The following TLL2 variants were observed in gnomAD, a reference collection of about 807,000 sequenced individuals.
TLL2 encodes tolloid-like protein 2.
A neutral mutation model predicts 123.0 loss-of-function variants in TLL2; 106 were observed. That is an observed-to-expected ratio of 0.86 (90% CI 0.74 to 1.01). The LOEUF (loss-of-function observed/expected upper bound fraction) is 1.01, where lower values mean the gene tolerates loss of function less well. Ranked by LOEUF, TLL2 falls within the 50% of genes least tolerant of loss-of-function variation. The pLI, the probability that TLL2 is intolerant of heterozygous loss-of-function variation, is 0.00. For synonymous variants in TLL2, 494 were observed against 516.8 expected (o/e 0.96, Z 0.60); for missense variants, 1,332 against 1,336.7 (o/e 1.00, Z 0.06).
chr10:96,403,529 G>A (rs1846416148), intron 10 of TLL2, among the ~76,000 whole-genome samples: 1 of 152,186 alleles, frequency 6.6e-6, no homozygotes, highest in South Asian at 2.1e-4. Flanking sequence ...TTTACAAGCA[G>A]TATACTTGGT....
intron 3 of TLL2, among the ~76,000 whole-genome samples, chr10:96,440,213 G>C (rs975052537): frequency 1.3e-5 from 2 of 152,160 alleles, no homozygotes; most frequent in African/African-American, 4.8e-5. Flanking sequence ...AATTTTTCTG[G>C]TAGACTGGAA....
chr10:96,391,201 A>G (rs1046075830), intron 13 of TLL2, among the ~76,000 whole-genome samples: 90 of 152,178 alleles, frequency 5.9e-4, no homozygotes, highest in Admixed American at 9.2e-4. Flanking sequence ...ACTGAGCCCC[A>G]TTCATTCATT....
At chr10:96,378,830 G>T in intron 17 of TLL2, 137 bp downstream of exon 17, 1 of 1,194,500 alleles carries the variant, frequency 8.4e-7, no homozygotes, top group Non-Finnish European at 1.2e-6. Context: ...CTCCCGCAAG[G>T]ACAGCAGTTG....
At chr10:96,490,573 G>A (rs760521944) in intron 1 of TLL2, among the ~76,000 whole-genome samples, 1 of 152,210 alleles carries the variant, frequency 6.6e-6, no homozygotes, top group Non-Finnish European at 1.5e-5. Flanking sequence ...AAGTCAGTTG[G>A]CTTTGAACCT....
At chr10:96,448,771 G>A (rs2861581) in intron 2 of TLL2, among the ~76,000 whole-genome samples, 68,981 of 151,814 alleles carry the variant, frequency 0.45, 16,065 homozygotes, top group East Asian at 0.72. Context: ...GTGCTTGGCC[G>A]GGGGGAGGTG....
intron 1 of TLL2, among the ~76,000 whole-genome samples, chr10:96,485,483 G>T (rs775698893): frequency 2.0e-5 from 3 of 151,908 alleles, no homozygotes; most frequent in South Asian, 2.1e-4. Context: ...CTAAGCAAAG[G>T]ATTTGAAAAA....
At chr10:96,398,897 A>C (rs1406644217) in intron 10 of TLL2, among the ~76,000 whole-genome samples, 5 of 135,372 alleles carry the variant, frequency 3.7e-5, no homozygotes, top group African/African-American at 1.4e-4. Context: ...TTTGAGACAG[A>C]GTCTTGCTCT....
At chr10:96,420,910 C>G (rs749664055) in intron 7 of TLL2, 46 bp downstream of exon 7, 1 of 1,573,314 alleles carries the variant, frequency 6.4e-7, no homozygotes, top group African/African-American at 1.3e-5. Flanking sequence ...CCAAGCCTGC[C>G]GCAGGCACAG....
chr10:96,472,497 C>T (rs1847193466), intron 2 of TLL2, among the ~76,000 whole-genome samples: 2 of 152,268 alleles, frequency 1.3e-5, no homozygotes, highest in African/African-American at 2.4e-5. Flanking sequence ...TGCAGTGGCT[C>T]GCACTTATAA....
intron 15 of TLL2, among the ~76,000 whole-genome samples, chr10:96,385,104 G>A (rs532126692): frequency 2.0e-5 from 3 of 152,236 alleles, no homozygotes; most frequent in African/African-American, 7.2e-5. Flanking sequence ...CTGCTAGAAG[G>A]AGAAGAAAAA....
At chr10:96,496,784 A>G (rs796592142) in intron 1 of TLL2, among the ~76,000 whole-genome samples, 5 of 152,350 alleles carry the variant, frequency 3.3e-5, no homozygotes, top group African/African-American at 1.2e-4. Context: ...AGGCTGTTTA[A>G]GTTTTACAGC....
chr10:96,434,895 G>A lies in TLL2; in HGVS notation c.365-1933C>T, dbSNP rs570923561. ...TATAGTCATCCTAATGGTGTGAAGC[G>A]GAATCTCATTTTGGTTTTGATTTTC... On this transcript the variant is annotated intron_variant, in intron 3 of 20. Transcript: ENST00000357947. Among the ~76,000 whole-genome samples the A allele has an allele frequency of 2.6e-4, 40 of 152,036 alleles. No homozygotes were observed. The East Asian group carries it at 2.7e-3, about 10-fold the overall frequency.
In TLL2 at chr10:96,371,902, T is replaced by A. The variant is rs140989845; in HGVS notation, c.2663-1587A>T. On this transcript the variant is annotated intron_variant, in intron 19 of 20. Transcript: ENST00000357947. ...CAGCTGCAGCCAGAGGGTCTCTGCA[T>A]GCAGTCCTCTCTGTCTCCAGCTTCC... Among the ~76,000 whole-genome samples, 534 of 152,324 alleles carry A rather than the reference T, an allele frequency of 3.5e-3. 4 individuals carry two copies. Among genetic ancestry groups the A allele is most frequent in the Middle Eastern group, 0.014 (4 of 294 alleles).
intron 2 of TLL2, among the ~76,000 whole-genome samples, chr10:96,459,035 C>G (rs916304188): frequency 6.6e-6 from 1 of 152,034 alleles, no homozygotes; most frequent in Non-Finnish European, 1.5e-5. Context: ...TGTATAACTG[C>G]AAGAGGAGAA....
chr10:96,382,360 A>T (rs1258643052), intron 16 of TLL2, among the ~76,000 whole-genome samples: 2 of 152,214 alleles, frequency 1.3e-5, no homozygotes, highest in Non-Finnish European at 2.9e-5. Context: ...ACAGAACCTT[A>T]AATTAGTGTG....
chr10:96,487,867 C>A (rs1847372841), intron 1 of TLL2, among the ~76,000 whole-genome samples: 1 of 152,134 alleles, frequency 6.6e-6, no homozygotes, highest in South Asian at 2.1e-4. Flanking sequence ...GCCATGACAA[C>A]AGGCTCCCAT....
intron 1 of TLL2, among the ~76,000 whole-genome samples, chr10:96,503,979 G>A (rs948582690): frequency 6.6e-6 from 1 of 152,202 alleles, no homozygotes; most frequent in African/African-American, 2.4e-5. Flanking sequence ...GCGTAGAGGG[G>A]AAAACAGGGA....
Position 96,405,284 on chromosome 10 carries a change from C to G in TLL2, c.1215G>C (p.Trp405Cys). ...CATCCCGGACCTCCACGTAATCATACCAGCACAGTCGGCTTTTAAACAAAT... is the reference window on the plus strand; with the variant it reads ...CATCCCGGACCTCCACGTAATCATAGCAGCACAGTCGGCTTTTAAACAAAT... ...SMDLFKSRLC[W>C]YDYVEVRDGY... The change falls in exon 10 of 21, where the codon TGG becomes TGC. Residue 405 changes from tryptophan to cysteine, a missense_variant. Trp to Cys is a radical substitution (Grantham distance 215, BLOSUM62 -2). Transcript: ENST00000357947. 6.2e-7 allele frequency: 1 copy of G among 1,614,192 alleles called. No individual in the cohort carries two copies. The highest frequency in any genetic ancestry group is 8.5e-7 in the Non-Finnish European group (1 of 1,180,038).
intron 1 of TLL2, among the ~76,000 whole-genome samples, chr10:96,495,677 G>C (rs1440006500): frequency 6.6e-6 from 1 of 152,148 alleles, no homozygotes; most frequent in Non-Finnish European, 1.5e-5. Context: ...CGCGTTTGCA[G>C]AACAGGAGGG....
Sources: gnomAD v4.1 joint callset for allele counts (sites outside exome capture counted in the v4.1 genomes callset) on GRCh38, gnomAD v4.1.1 for gene constraint, MANE v1.5 for transcripts, NCBI Gene and HGNC (gene_info 2026-07-23, HGNC 2026-07-21) for gene names.